BICD1: variants seen among roughly 807,000 people sequenced by gnomAD.
BICD1 encodes the protein BICD cargo adaptor 1, also known as protein bicaudal D homolog 1.
A neutral mutation model predicts 92.5 loss-of-function variants in BICD1; 35 were observed. That is an observed-to-expected ratio of 0.38 (90% CI 0.29 to 0.50). The LOEUF is 0.50. Ranked by LOEUF, BICD1 falls within the 20% of genes least tolerant of loss-of-function variation. BICD1 has a pLI of 0.93. For synonymous variants in BICD1, 429 were observed against 465.1 expected (o/e 0.92, Z 1.00); for missense variants, 950 against 1,189.8 (o/e 0.80, Z 2.97).
At chr12:32,128,581 A>G (rs1421732546) in intron 1 of BICD1, among the ~76,000 whole-genome samples, 1 of 147,916 alleles carries the variant, frequency 6.8e-6, no homozygotes, top group Non-Finnish European at 1.5e-5. Context: ...CATTTTTAGT[A>G]TTATGAAAAA....
chr12:32,216,137 A>T (rs161975), intron 1 of BICD1, 110 bp from the exon 2 acceptor site: 1 of 1,031,662 alleles, frequency 9.7e-7, no homozygotes, highest in African/African-American at 1.6e-5. Context: ...GGGGTCTTGC[A>T]GGGTAGCTTT....
rs1424439918 is a variant in BICD1, at chr12:32,246,325, AAAG to A, written c.426+29867_426+29869del. Among the ~76,000 whole-genome samples, 278 of 148,926 alleles carry A rather than the reference AAAG, an allele frequency of 1.9e-3. 3 individuals carry two copies. Among genetic ancestry groups the A allele is most frequent in the African/African-American group, 7.0e-3 (273 of 39,280 alleles). On this transcript the variant is annotated intron_variant, in intron 2 of 9. Coordinates refer to ENST00000652176, the MANE Select transcript of BICD1 (RefSeq NM_001714.4). ...AACCCATCAGGAAAAAAAAAAAAAA[AAAG>A]GTTGATTAAAAAAAGAAAAACAAAA...
chr12:32,139,566 GTTTA>G (rs747506357), intron 1 of BICD1, among the ~76,000 whole-genome samples: 3 of 152,048 alleles, frequency 2.0e-5, no homozygotes, highest in South Asian at 4.1e-4. Flanking sequence ...GGGTTTTTTT[GTTTA>G]TTTGTTTGTT....
At chr12:32,295,146 A>G (rs1390253614) in intron 3 of BICD1, among the ~76,000 whole-genome samples, 1 of 151,902 alleles carries the variant, frequency 6.6e-6, no homozygotes, top group Non-Finnish European at 1.5e-5. Flanking sequence ...CCTGACTACA[A>G]AGATTACATT....
At chr12:32,281,976 C>G (rs1947421730) in intron 2 of BICD1, among the ~76,000 whole-genome samples, 1 of 152,122 alleles carries the variant, frequency 6.6e-6, no homozygotes, top group South Asian at 2.1e-4. Flanking sequence ...AATAAACACA[C>G]AAAGAAATCA....
At chr12:32,129,397 T>C (rs1299907013) in intron 1 of BICD1, among the ~76,000 whole-genome samples, 1 of 151,478 alleles carries the variant, frequency 6.6e-6, no homozygotes, top group Non-Finnish European at 1.5e-5. Flanking sequence ...TGGTGGCACA[T>C]GCCTATAGTC....
At chr12:32,256,863 CTAAT>C (rs1015599961) in intron 2 of BICD1, among the ~76,000 whole-genome samples, 1 of 152,100 alleles carries the variant, frequency 6.6e-6, no homozygotes, top group African/African-American at 2.4e-5. Context: ...ATTACAGTAT[CTAAT>C]TATGCAGTTC....
chr12:32,193,031 A>C (rs995241759), intron 1 of BICD1, among the ~76,000 whole-genome samples: 4 of 152,270 alleles, frequency 2.6e-5, no homozygotes, highest in Non-Finnish European at 5.9e-5. Flanking sequence ...AATATTTCAC[A>C]AACTTAGTTG....
chr12:32,170,979 A>G (rs1009781616), intron 1 of BICD1, among the ~76,000 whole-genome samples: 1 of 152,188 alleles, frequency 6.6e-6, no homozygotes, highest in African/African-American at 2.4e-5. Flanking sequence ...TTCAAATATA[A>G]GATTTAATAT....
intron 1 of BICD1, chr12:32,108,190 G>A (rs1941561217): frequency 5.3e-6 from 1 of 188,108 alleles, no homozygotes; most frequent in Non-Finnish European, 1.1e-5. Context: ...AGGTCACCCT[G>A]ACTAGAAAAA....
rs570721676 is a variant in BICD1 at position 32,375,091 on chromosome 12, T to G, written c.2841-2449T>G. Among the ~76,000 whole-genome samples the G allele has an allele frequency of 5.7e-3, 868 of 151,242 alleles. 6 individuals carry two copies. Among genetic ancestry groups the G allele is most frequent in the Non-Finnish European group, 0.01 (684 of 67,814 alleles). On this transcript the variant is annotated intron_variant, in intron 9 of 9. Coordinates refer to ENST00000652176, the MANE Select transcript of BICD1 (RefSeq NM_001714.4). ...CCGCCACCACGCCCAGCTAATTTTT[T>G]TTTTTAATTATTTTTAGTAGAGACG...
At chr12:32,295,587 G>T (rs184875227) in intron 3 of BICD1, among the ~76,000 whole-genome samples, 5 of 151,304 alleles carry the variant, frequency 3.3e-5, no homozygotes, top group Admixed American at 2.0e-4. Flanking sequence ...AGATATAAGG[G>T]TTAAGAGGGA....
chr12:32,261,379 C>T (rs1246989427), intron 2 of BICD1, among the ~76,000 whole-genome samples: 2 of 152,096 alleles, frequency 1.3e-5, no homozygotes, highest in Non-Finnish European at 2.9e-5. Flanking sequence ...GCTTGTTGGT[C>T]AGTTGGATGT....
intron 2 of BICD1, among the ~76,000 whole-genome samples, chr12:32,282,222 T>C (rs1397016941): frequency 6.1e-5 from 8 of 131,000 alleles, no homozygotes; most frequent in Non-Finnish European, 6.3e-5. Flanking sequence ...TTTTTTTTTT[T>C]TTTTTTTTTT....
intron 1 of BICD1, among the ~76,000 whole-genome samples, chr12:32,206,650 A>G (rs1257480654): frequency 6.6e-6 from 1 of 152,184 alleles, no homozygotes; most frequent in Non-Finnish European, 1.5e-5. Context: ...CAGCAAATGT[A>G]TTTTGAAAAG....
At chr12:32,149,861 T>C (rs1943236532) in intron 1 of BICD1, among the ~76,000 whole-genome samples, 1 of 152,200 alleles carries the variant, frequency 6.6e-6, no homozygotes, top group African/African-American at 2.4e-5. Context: ...ATCCCATTCA[T>C]GAAGGCAGAG....
chr12:32,319,302 TG>T (rs1948586845), intron 4 of BICD1, among the ~76,000 whole-genome samples: 1 of 152,164 alleles, frequency 6.6e-6, no homozygotes, highest in Admixed American at 6.5e-5. Context: ...TTATCACAAA[TG>T]GATATTAAAT....
intron 1 of BICD1, among the ~76,000 whole-genome samples, chr12:32,111,738 G>C (rs1341802740): frequency 6.6e-6 from 1 of 151,814 alleles, no homozygotes; most frequent in East Asian, 1.9e-4. Flanking sequence ...CTCCGGAGTA[G>C]CTGAGACTAC....
At chr12:32,345,295 G>GAAA (rs1312018943) in intron 8 of BICD1, among the ~76,000 whole-genome samples, 1 of 149,442 alleles carries the variant, frequency 6.7e-6, no homozygotes, top group Admixed American at 6.7e-5. Context: ...AAAAAAAGAA[G>GAAA]AAAAAATATA....
Sources: gnomAD v4.1 joint callset for allele counts (sites outside exome capture counted in the v4.1 genomes callset) on GRCh38, gnomAD v4.1.1 for gene constraint, MANE v1.5 for transcripts, NCBI Gene and HGNC (gene_info 2026-07-23, HGNC 2026-07-21) for gene names.